Variants in DPH6 observed in about 807,000 individuals in gnomAD.
The protein encoded by DPH6 is diphthamine biosynthesis 6.
Under a neutral mutation model 38.2 loss-of-function variants are expected in DPH6, and 33 were observed. That is an observed-to-expected ratio of 0.86 (90% CI 0.65 to 1.15). The LOEUF (loss-of-function observed/expected upper bound fraction) is 1.15. Ranked by LOEUF, DPH6 falls within the 50% of genes most tolerant of loss-of-function variation. The pLI is 0.00. For synonymous variants in DPH6, 108 were observed against 103.0 expected, an observed-to-expected ratio of 1.05 and a Z score of -0.30; for missense variants, 325 against 320.0, an observed-to-expected ratio of 1.02 and a Z score of -0.12.
exon 4 of DPH6, chr15:35,218,528 C>A (rs1040394343): frequency 6.6e-6 from 1 of 152,120 alleles, no homozygotes; most frequent in African/African-American, 2.4e-5. Flanking sequence ...TAATGAGAAC[C>A]TAATCAATTA....
chr15:35,531,597 C>T (rs1448727991), intron 3 of DPH6, among the ~76,000 whole-genome samples: 1 of 152,070 alleles, frequency 6.6e-6, no homozygotes, highest in Non-Finnish European at 1.5e-5. Flanking sequence ...CCTCAGCCTC[C>T]TGAATAGCTG....
At chr15:35,491,302 C>G (rs1021728244) in intron 3 of DPH6, among the ~76,000 whole-genome samples, 1 of 151,984 alleles carries the variant, frequency 6.6e-6, no homozygotes, top group African/African-American at 2.4e-5. Context: ...AGAGTAAACA[C>G]GAGCACCATC....
downstream of DPH6, among the ~76,000 whole-genome samples, chr15:35,327,336 C>CTTTT (rs376483680): frequency 7.0e-5 from 9 of 127,786 alleles, no homozygotes; most frequent in East Asian, 2.1e-4. Context: ...GAAAAGGTTC[C>CTTTT]TTTTTTTTTT....
chr15:35,184,358 T>C, the DPH6 span, among the ~76,000 whole-genome samples: 2 of 152,194 alleles, frequency 1.3e-5, no homozygotes, highest in Non-Finnish European at 2.9e-5. Flanking sequence ...ACTGGGAGAC[T>C]GGGAATGCAT....
At chr15:35,230,798 G>T (rs149011504) in intron 3 of DPH6, among the ~76,000 whole-genome samples, 39 of 152,230 alleles carry the variant, frequency 2.6e-4, no homozygotes, top group African/African-American at 9.1e-4. Flanking sequence ...GTCTAGAAAT[G>T]TCCTGAAGCT....
intron 3 of DPH6, among the ~76,000 whole-genome samples, chr15:35,266,530 T>C (rs1313945602): frequency 6.6e-6 from 1 of 152,208 alleles, no homozygotes; most frequent in Non-Finnish European, 1.5e-5. Flanking sequence ...GTTTGCACTG[T>C]CAAGCAACTA....
the DPH6 span, among the ~76,000 whole-genome samples, chr15:35,199,416 A>G: frequency 7.4e-4 from 113 of 152,334 alleles, 2 homozygotes; most frequent in South Asian, 0.02. Context: ...AATACCTTAC[A>G]TAATACTAGG....
rs74880565 is a variant in DPH6, at chr15:35,505,932, C to A, written c.312+32342G>T. Among the ~76,000 whole-genome samples the A allele has an allele frequency of 3.1e-3, 473 of 152,182 alleles. 3 individuals carry two copies. The East Asian group carries it at 0.035, about 11-fold the overall frequency. ...GAGATTTAATGACCATTTTTATTTA[C>A]ACTTGTCAGTATTTTAAAATTTTAT... On this transcript the variant is annotated intron_variant, in intron 3 of 8. Coordinates refer to ENST00000256538, the MANE Select transcript of DPH6 (RefSeq NM_080650.4).
chr15:35,402,732 T>A (rs974936429), intron 6 of DPH6, among the ~76,000 whole-genome samples: 1 of 152,044 alleles, frequency 6.6e-6, no homozygotes, highest in African/African-American at 2.4e-5. Context: ...AGTTAGTGTA[T>A]AAGCCTTAAA....
At chr15:35,505,157 T>C (rs950885247) in intron 3 of DPH6, among the ~76,000 whole-genome samples, 2 of 152,054 alleles carry the variant, frequency 1.3e-5, no homozygotes, top group Admixed American at 1.3e-4. Context: ...TGCGTATAAG[T>C]GTTAGGTAGA....
In DPH6 at chr15:35,522,402, C is replaced by A. The variant is rs34060399; in HGVS notation, c.312+15872G>T. 4 of 881,528 alleles carry A rather than the reference C, an allele frequency of 4.5e-6. No individual in the cohort carries two copies. In the South Asian group the frequency reaches 6.0e-5, roughly 13 times the overall value. The allele number at this position is 881,528 out of a possible 1,614,324, so 54.6% of individuals were successfully genotyped here. A position where few individuals can be genotyped will look rare whatever the true frequency, so the allele number is the denominator to read the frequency against. On this transcript the variant is annotated intron_variant, in intron 3 of 8. Transcript: ENST00000256538. ...TGTCTCTGCTTATTCAGTATTAATACAACAGGACTGCAAGTGAATGAAAAT... is the reference window on the plus strand; with the variant it reads ...TGTCTCTGCTTATTCAGTATTAATAAAACAGGACTGCAAGTGAATGAAAAT...
chr15:35,174,335 A>G, the DPH6 span, among the ~76,000 whole-genome samples: 1 of 152,216 alleles, frequency 6.6e-6, no homozygotes, highest in African/African-American at 2.4e-5. Flanking sequence ...ACATATGAAC[A>G]TGTCTTCAAA....
At chr15:35,260,445 C>T (rs970874693) in intron 3 of DPH6, among the ~76,000 whole-genome samples, 11 of 151,062 alleles carry the variant, frequency 7.3e-5, no homozygotes, top group Non-Finnish European at 1.6e-4. Context: ...GTGAAATATA[C>T]TTTAGAAGAA....
chr15:35,432,011 G>T lies in DPH6; in HGVS notation c.505+18674C>A, dbSNP rs72705109. ...TCAATACTTACTATGACTCATCCCA[G>T]AATAACCAAGTCCAACTATGTGGGA... On this transcript the variant is annotated intron_variant, in intron 5 of 8. Coordinates refer to ENST00000256538, the MANE Select transcript of DPH6 (RefSeq NM_080650.4). Among the ~76,000 whole-genome samples the T allele has an allele frequency of 1.7e-3, 263 of 152,208 alleles. 1 individual carries two copies. Among genetic ancestry groups the T allele is most frequent in the East Asian group, 4.3e-3 (22 of 5,160 alleles).
At chr15:35,166,307 G>T in the DPH6 span, among the ~76,000 whole-genome samples, 2 of 151,820 alleles carry the variant, frequency 1.3e-5, no homozygotes, top group Admixed American at 6.6e-5. Flanking sequence ...TACACTCTTT[G>T]TCCTAACCCA....
At chr15:35,358,122 CT>C (rs1295829201) in intron 3 of DPH6, among the ~76,000 whole-genome samples, 1 of 152,038 alleles carries the variant, frequency 6.6e-6, no homozygotes, top group Non-Finnish European at 1.5e-5. Context: ...TGGTTGAATA[CT>C]TTGTCTTTGT....
intron 3 of DPH6, among the ~76,000 whole-genome samples, chr15:35,465,641 G>C (rs989321734): frequency 2.0e-5 from 3 of 152,074 alleles, no homozygotes; most frequent in Non-Finnish European, 2.9e-5. Context: ...TGCTGGACTA[G>C]TTAAAAAATC....
At chr15:35,287,638 G>A (rs2051952443) in intron 3 of DPH6, among the ~76,000 whole-genome samples, 1 of 152,062 alleles carries the variant, frequency 6.6e-6, no homozygotes, top group South Asian at 2.1e-4. Flanking sequence ...TACGAACAGT[G>A]TAGTAAGAAG....
chr15:35,479,492 A>C (rs146338686), intron 3 of DPH6, among the ~76,000 whole-genome samples: 4 of 152,144 alleles, frequency 2.6e-5, no homozygotes, highest in Non-Finnish European at 5.9e-5. Flanking sequence ...TTTGATGATA[A>C]GAATCCATCA....
Sources: gnomAD v4.1 joint callset for allele counts (sites outside exome capture counted in the v4.1 genomes callset) on GRCh38, gnomAD v4.1.1 for gene constraint, MANE v1.5 for transcripts, NCBI Gene and HGNC (gene_info 2026-07-23, HGNC 2026-07-21) for gene names.